The following CHODL variants were observed in gnomAD, a reference collection of about 807,000 sequenced individuals.
The protein encoded by CHODL is chondrolectin.
In CHODL, 29 loss-of-function variants were observed where a neutral mutation model predicts 34.5. The observed-to-expected ratio is 0.84, with a 90% CI of 0.63 to 1.15. The LOEUF (loss-of-function observed/expected upper bound fraction) is 1.15. Among genes scored for constraint, CHODL ranks in the 50% most tolerant of loss-of-function variants. The pLI, the probability that CHODL is intolerant of heterozygous loss-of-function variation, is 0.00. For missense variants in CHODL, 332 were observed against 332.5 expected, an observed-to-expected ratio of 1.00 and a Z score of 0.01; for synonymous variants, 125 against 116.1, an observed-to-expected ratio of 1.08 and a Z score of -0.49.
At chr21:18,035,094 A>G (rs1568854245) in intron 2 of CHODL, among the ~76,000 whole-genome samples, 1 of 151,978 alleles carries the variant, frequency 6.6e-6, no homozygotes, top group Non-Finnish European at 1.5e-5. Context: ...AGAAGATTGA[A>G]AAATCTGTTT....
chr21:18,017,783 C>T (rs2064089399), intron 1 of CHODL, among the ~76,000 whole-genome samples: 1 of 152,162 alleles, frequency 6.6e-6, no homozygotes, highest in Admixed American at 6.5e-5. Context: ...CTTCCAGAAC[C>T]CAGAATGATA....
In CHODL at chr21:17,938,261, A is replaced by G. The variant is rs187046431; in HGVS notation, c.-145+20861A>G. Among the ~76,000 whole-genome samples the G allele has an allele frequency of 5.8e-3, 878 of 152,128 alleles. 12 individuals carry two copies. Among genetic ancestry groups the G allele is most frequent in the African/African-American group, 0.02 (831 of 41,506 alleles). The stretch of plus-strand genomic sequence containing the variant: ...TCTGTTGCTGTACTAGAACGCTTAA[A>G]TGTTAATGATGATTGCTGACCTATT... On this transcript the variant is annotated intron_variant, in intron 1 of 6. Coordinates refer to the CHODL transcript ENST00000400127.
intron 2 of CHODL, among the ~76,000 whole-genome samples, chr21:18,124,084 G>T (rs1179058247): frequency 6.6e-6 from 1 of 150,872 alleles, no homozygotes; most frequent in Non-Finnish European, 1.5e-5. Context: ...TTGGAAGGCA[G>T]AAAAAAAAAT....
intron 2 of CHODL, among the ~76,000 whole-genome samples, chr21:18,192,473 T>A (rs1441753933): frequency 6.6e-6 from 1 of 152,164 alleles, no homozygotes; most frequent in Non-Finnish European, 1.5e-5. Context: ...TAAACATAAG[T>A]TTCGCATGAA....
intron 2 of CHODL, among the ~76,000 whole-genome samples, chr21:18,108,713 C>T (rs1323885601): frequency 6.6e-6 from 1 of 152,036 alleles, no homozygotes; most frequent in African/African-American, 2.4e-5. Context: ...AAAACCCTAG[C>T]CAGCTAGATA....
intron 1 of CHODL, among the ~76,000 whole-genome samples, chr21:17,938,907 A>G (rs900673156): frequency 1.3e-5 from 2 of 152,054 alleles, no homozygotes; most frequent in African/African-American, 4.8e-5. Context: ...TATCCTGTCT[A>G]ATCTTGTTTC....
intron 2 of CHODL, among the ~76,000 whole-genome samples, chr21:18,215,739 G>T (rs1907354180): frequency 6.6e-6 from 1 of 152,062 alleles, no homozygotes; most frequent in Admixed American, 6.6e-5. Context: ...GATTTGGTTG[G>T]TTCTGGAATT....
At chr21:18,015,004 A>G (rs1278819971) in intron 1 of CHODL, among the ~76,000 whole-genome samples, 1 of 152,196 alleles carries the variant, frequency 6.6e-6, no homozygotes, top group Non-Finnish European at 1.5e-5. Flanking sequence ...GAAGGCTTAG[A>G]AGACAGGCAT....
chr21:17,927,126 A>ATATATATGTATATATGTATATATATG (rs2063232737), intron 1 of CHODL, among the ~76,000 whole-genome samples: 1 of 113,362 alleles, frequency 8.8e-6, no homozygotes, highest in African/African-American at 3.9e-5. Context: ...GTATATATGT[A>ATATATATGTATATATGTATATATATG]TATATATGTA....
intron 2 of CHODL, among the ~76,000 whole-genome samples, chr21:18,087,104 G>A (rs1293146590): frequency 6.6e-6 from 1 of 152,152 alleles, no homozygotes; most frequent in East Asian, 1.9e-4. Flanking sequence ...CGATCCCCCA[G>A]CTGGGTGGTG....
At chr21:18,026,839 G>C (rs2064180910) in intron 1 of CHODL, among the ~76,000 whole-genome samples, 1 of 152,148 alleles carries the variant, frequency 6.6e-6, no homozygotes, top group African/African-American at 2.4e-5. Flanking sequence ...AAAGTTTGTA[G>C]ACAAAGGTTA....
intron 2 of CHODL, among the ~76,000 whole-genome samples, chr21:18,113,767 T>A (rs926638537): frequency 3.3e-5 from 5 of 152,162 alleles, no homozygotes; most frequent in Non-Finnish European, 4.4e-5. Context: ...TATATCCACA[T>A]GATTCAGCAA....
rs527950850 is a variant in CHODL at position 17,977,516 on chromosome 21, C to T, written c.-144-50356C>T. 1.5e-4 allele frequency among the ~76,000 whole-genome samples: 23 copies of T among 150,972 alleles called. No individual in the cohort carries two copies. In the South Asian group the frequency reaches 2.7e-3, roughly 18 times the overall value. On this transcript the variant is annotated intron_variant, in intron 1 of 6. Coordinates refer to the CHODL transcript ENST00000400127. Reference sequence around the variant, plus strand: ...AAGTAGCTGGGAATATGCGCCACTGCGCCCAGCTAATTTTTTTGTATTTTT... The same window carrying T: ...AAGTAGCTGGGAATATGCGCCACTGTGCCCAGCTAATTTTTTTGTATTTTT...
At chr21:18,254,132 T>C (rs1051115723) in intron 1 of CHODL, among the ~76,000 whole-genome samples, 2 of 141,780 alleles carry the variant, frequency 1.4e-5, no homozygotes. Flanking sequence ...AAAGTTTGAA[T>C]GCTTTTTTTT....
intron 2 of CHODL, among the ~76,000 whole-genome samples, chr21:18,177,878 T>C (rs1244570568): frequency 6.6e-5 from 10 of 152,108 alleles, no homozygotes; most frequent in Non-Finnish European, 5.9e-5. Flanking sequence ...CTTGAGTTTA[T>C]TCAACTGGTT....
rs569962570 is a variant in CHODL, at chr21:18,065,616, A to G, written c.-45+37645A>G. On this transcript the variant is annotated intron_variant, in intron 2 of 6. Coordinates refer to the CHODL transcript ENST00000400127. ...ATCAAGTTGCTGATGAAGCCTCAGA[A>G]AAGAACCAGACAGAGCATCATCATA... Among the ~76,000 whole-genome samples, 182 of 152,294 alleles carry G rather than the reference A, an allele frequency of 1.2e-3. 1 individual carries two copies. Among genetic ancestry groups the G allele is most frequent in the African/African-American group, 4.2e-3 (174 of 41,566 alleles).
At chr21:17,970,598 AT>A (rs998132161) in intron 1 of CHODL, among the ~76,000 whole-genome samples, 27 of 151,196 alleles carry the variant, frequency 1.8e-4, no homozygotes, top group African/African-American at 5.1e-4. Flanking sequence ...TTGTTTTTTA[AT>A]TTTTTTTTAT....
chr21:18,098,822 C>A (rs1334765808), intron 2 of CHODL, among the ~76,000 whole-genome samples: 1 of 152,060 alleles, frequency 6.6e-6, no homozygotes, highest in Non-Finnish European at 1.5e-5. Flanking sequence ...TTGGAACCAA[C>A]CTTATTGTCC....
chr21:18,172,881 GGT>G (rs1260174163), intron 2 of CHODL, among the ~76,000 whole-genome samples: 58 of 152,158 alleles, frequency 3.8e-4, no homozygotes, highest in Non-Finnish European at 3.5e-4. Flanking sequence ...CTGAAATCAG[GGT>G]GTCATCTTGG....
Sources: allele counts gnomAD v4.1 joint callset (sites outside exome capture counted in the v4.1 genomes callset), GRCh38; gene constraint gnomAD v4.1.1; transcripts MANE v1.5; gene names NCBI Gene and HGNC (gene_info 2026-07-23, HGNC 2026-07-21).